Variants in EPHB1 observed in about 807,000 individuals in gnomAD.
EPHB1 encodes the protein ephrin type-B receptor 1.
In EPHB1, 30 loss-of-function variants were observed where a neutral mutation model predicts 94.4. The observed-to-expected ratio is 0.32, with a 90% CI of 0.24 to 0.43. The LOEUF (loss-of-function observed/expected upper bound fraction) is 0.43, where lower values mean the gene tolerates loss of function less well. EPHB1 is among the 20% of genes least tolerant of loss of function. The pLI is 1.00. For synonymous variants in EPHB1, 522 were observed against 489.1 expected (o/e 1.07, Z -0.89); for missense variants, 1,055 against 1,308.3 (o/e 0.81, Z 2.99).
intron 3 of EPHB1, among the ~76,000 whole-genome samples, chr3:135,001,479 CT>C (rs1273714400): frequency 6.6e-6 from 1 of 152,174 alleles, no homozygotes; most frequent in Non-Finnish European, 1.5e-5. Flanking sequence ...ACACTCAGGA[CT>C]TTAAAAGATC....
At chr3:135,253,683 C>G (rs1576504590) in intron 15 of EPHB1, among the ~76,000 whole-genome samples, 1 of 144,228 alleles carries the variant, frequency 6.9e-6, no homozygotes. Flanking sequence ...TTAGGATTGA[C>G]TTGGCGATGC....
At chr3:135,179,716 G>A in intron 9 of EPHB1, 144 bp from the exon 10 acceptor site, 4 of 849,112 alleles carry the variant, frequency 4.7e-6, no homozygotes, top group Non-Finnish European at 5.6e-6. Flanking sequence ...GGCCCAGCAA[G>A]AGGAGGAGAG....
At chr3:135,095,280 CTT>C (rs977618724) in intron 3 of EPHB1, among the ~76,000 whole-genome samples, 4 of 152,024 alleles carry the variant, frequency 2.6e-5, no homozygotes, top group African/African-American at 7.2e-5. Flanking sequence ...AGGTTGCAGT[CTT>C]TGACTCCTTG....
intron 6 of EPHB1, among the ~76,000 whole-genome samples, chr3:135,161,008 A>G (rs1941489729): frequency 6.6e-6 from 1 of 152,196 alleles, no homozygotes. Flanking sequence ...TTGCCTTTGT[A>G]TGATGATAGT....
intron 5 of EPHB1, among the ~76,000 whole-genome samples, chr3:135,153,480 T>C (rs911046207): frequency 9.9e-5 from 15 of 152,254 alleles, no homozygotes; most frequent in Non-Finnish European, 1.5e-5. Flanking sequence ...TGTTCCCAAA[T>C]GTTTGATTTG....
At chr3:135,062,544 T>TC (rs1273334948) in intron 3 of EPHB1, among the ~76,000 whole-genome samples, 1 of 152,192 alleles carries the variant, frequency 6.6e-6, no homozygotes, top group Non-Finnish European at 1.5e-5. Flanking sequence ...GGTTTTTTTT[T>TC]CTTGCTGATT....
Position 134,843,875 on chromosome 3 carries a change from A to T in EPHB1, c.58+48186A>T, listed in dbSNP as rs564006095. 1.1e-4 allele frequency among the ~76,000 whole-genome samples: 17 copies of T among 152,294 alleles called. 1 individual carries two copies. In the South Asian group the frequency reaches 3.1e-3, roughly 28 times the overall value. The stretch of plus-strand genomic sequence containing the variant: ...CTACTTTGAAGTTTTTGTCTGCTGT[A>T]TCTAATATCTGAGGGCTCATAGATA... On this transcript the variant is annotated intron_variant, in intron 1 of 15. Coordinates refer to ENST00000398015, the MANE Select transcript of EPHB1 (RefSeq NM_004441.5).
intron 4 of EPHB1, among the ~76,000 whole-genome samples, chr3:135,111,622 G>A (rs1939447158): frequency 1.3e-5 from 2 of 152,100 alleles, no homozygotes; most frequent in South Asian, 4.2e-4. Flanking sequence ...TGGTTCAAGG[G>A]AGGGTCTCAC....
At chr3:134,860,603 A>G (rs139462948) in intron 1 of EPHB1, among the ~76,000 whole-genome samples, 15 of 152,262 alleles carry the variant, frequency 9.9e-5, no homozygotes, top group African/African-American at 3.4e-4. Context: ...TCACGATGTC[A>G]GGAGATCAAG....
At chr3:135,016,429 T>A (rs957410524) in intron 3 of EPHB1, among the ~76,000 whole-genome samples, 15 of 152,178 alleles carry the variant, frequency 9.9e-5, no homozygotes, top group Non-Finnish European at 2.2e-4. Context: ...TCTGTAAGTG[T>A]GAAGGAAGCT....
At chr3:134,798,935 C>T (rs376834481) in intron 1 of EPHB1, among the ~76,000 whole-genome samples, 14 of 152,304 alleles carry the variant, frequency 9.2e-5, no homozygotes, top group African/African-American at 2.9e-4. Context: ...CCTCAGAGTG[C>T]GGCACACTGG....
chr3:135,065,589 A>T (rs906821461), intron 3 of EPHB1, among the ~76,000 whole-genome samples: 1 of 152,162 alleles, frequency 6.6e-6, no homozygotes, highest in African/African-American at 2.4e-5. Flanking sequence ...TGTCTGTGTT[A>T]GGTGAGTCTC....
intron 5 of EPHB1, among the ~76,000 whole-genome samples, chr3:135,145,687 G>A (rs3772647): frequency 0.76 from 115,740 of 152,084 alleles, 45,091 homozygotes; most frequent in African/African-American, 0.91. Context: ...GAGGGACCCA[G>A]CCTGCTAGGT....
chr3:134,802,449 T>C (rs1170744581), intron 1 of EPHB1, among the ~76,000 whole-genome samples: 1 of 151,940 alleles, frequency 6.6e-6, no homozygotes, highest in African/African-American at 2.4e-5. Flanking sequence ...TGGATCCTCA[T>C]AGCCTGTCAG....
intron 1 of EPHB1, among the ~76,000 whole-genome samples, chr3:134,851,575 C>T (rs2036985639): frequency 6.6e-6 from 1 of 152,234 alleles, no homozygotes; most frequent in Non-Finnish European, 1.5e-5. Flanking sequence ...GTCTTGGCCT[C>T]TGCAGTCTTG....
chr3:134,985,438 G>A (rs1264127810), intron 3 of EPHB1, among the ~76,000 whole-genome samples: 5 of 152,196 alleles, frequency 3.3e-5, no homozygotes, highest in Admixed American at 6.5e-5. Flanking sequence ...GATTACAGGC[G>A]TGAGCCACCA....
chr3:135,007,177 G>C (rs764422898), intron 3 of EPHB1, among the ~76,000 whole-genome samples: 5 of 152,196 alleles, frequency 3.3e-5, no homozygotes, highest in Non-Finnish European at 7.3e-5. Flanking sequence ...CCATGGAATA[G>C]CACCTTGAAA....
intron 3 of EPHB1, among the ~76,000 whole-genome samples, chr3:135,090,082 C>T (rs1274266922): frequency 6.6e-6 from 1 of 152,206 alleles, no homozygotes; most frequent in Non-Finnish European, 1.5e-5. Flanking sequence ...CCTCTCAGCA[C>T]CTAGGAATAA....
intron 12 of EPHB1, among the ~76,000 whole-genome samples, chr3:135,205,935 T>A (rs1309627149): frequency 6.6e-6 from 1 of 152,184 alleles, no homozygotes; most frequent in Non-Finnish European, 1.5e-5. Flanking sequence ...ATAGAGTTTT[T>A]AAAAATGCGT....
Sources: allele counts gnomAD v4.1 joint callset (sites outside exome capture counted in the v4.1 genomes callset), GRCh38; gene constraint gnomAD v4.1.1; transcripts MANE v1.5; gene names NCBI Gene and HGNC (gene_info 2026-07-23, HGNC 2026-07-21).